CAPN1: variants seen among roughly 807,000 people sequenced by gnomAD.
CAPN1 encodes the protein calpain 1.
CAPN1 carries 77 observed loss-of-function variants against 105.2 expected under a neutral mutation model. The observed-to-expected ratio is 0.73, with a 90% CI of 0.61 to 0.88. The LOEUF (loss-of-function observed/expected upper bound fraction) is 0.88, where lower values mean the gene tolerates loss of function less well. CAPN1 is among the 40% of genes least tolerant of loss of function. CAPN1 has a pLI of 0.00. For missense variants in CAPN1, 833 were observed against 976.6 expected (o/e 0.85, Z 1.96); for synonymous variants, 355 against 388.8 (o/e 0.91, Z 1.02).
intron 21 of CAPN1, 76 bp from the exon 22 acceptor site, chr11:65,211,184 G>T: frequency 6.5e-7 from 1 of 1,541,012 alleles, no homozygotes; most frequent in Admixed American, 1.7e-5. Flanking sequence ...GTTGGGGGCT[G>T]GACCTGGGGT....
At chr11:65,187,420 C>A in intron 7 of CAPN1, 122 bp downstream of exon 7, 1 of 673,770 alleles carries the variant, frequency 1.5e-6, no homozygotes, top group Admixed American at 2.4e-5. Context: ...TCCTGCAGCA[C>A]CTTATCTCTC....
rs868774831 is a variant in CAPN1, at chr11:65,183,341, C to T, written c.338-133C>T. ...GCGCTGGGGCTGGTTTGCCCAGATT[C>T]CTGGGTCTTTTCTGCAAGCTGAGGG... On this transcript the variant is annotated intron_variant, in intron 3 of 21. Transcript: ENST00000279247. 17 of 1,117,564 alleles carry T rather than the reference C, an allele frequency of 1.5e-5. No homozygotes were observed. The Middle Eastern group carries it at 8.9e-4, about 58-fold the overall frequency. 69.2% of individuals were successfully genotyped at this position (1,117,564 alleles called of 1,614,324 possible).
In CAPN1 at chr11:65,210,053, C is replaced by T. The variant is rs1332280261; in HGVS notation, c.1899C>T (p.Gly633=). The change falls in exon 19 of 22, where the codon GGC becomes GGT. Residue 633 remains glycine (G), a synonymous_variant. Transcript: ENST00000279247. This position sits in a 1 kb window ranked among gnomAD's most constrained non-coding sequence, Gnocchi z 4.3. ...IFRKFDLDKS[G]SMSAYEMRMA... is the part of the protein sequence containing the mutation. ...GGAAGTTTGACCTGGACAAGTCGGGCAGCATGAGTGCCTACGAGATGCGGA... is the reference window on the plus strand; with the variant it reads ...GGAAGTTTGACCTGGACAAGTCGGGTAGCATGAGTGCCTACGAGATGCGGA... The T allele has an allele frequency of 5.0e-6, 8 of 1,613,006 alleles. No homozygotes were observed. The highest frequency in any genetic ancestry group is 5.9e-6 in the Non-Finnish European group (7 of 1,179,830).
At chr11:65,211,147 T>G (rs17880481) in intron 21 of CAPN1, 113 bp from the exon 22 acceptor site, 1 of 1,209,840 alleles carries the variant, frequency 8.3e-7, no homozygotes, top group Admixed American at 1.9e-5. Context: ...CTCCATGAGG[T>G]TCCTGAGGTG....
chr11:65,188,269 C>T lies in CAPN1; in HGVS notation c.930-145C>T, dbSNP rs1245619285. 14 of 753,702 alleles carry T rather than the reference C, an allele frequency of 1.9e-5. No individual in the cohort carries two copies. Among genetic ancestry groups the T allele is most frequent in the Non-Finnish European group, 3.0e-5 (14 of 461,760 alleles). 46.7% of individuals were successfully genotyped at this position (753,702 alleles called of 1,614,324 possible). On this transcript the variant is annotated intron_variant, in intron 8 of 21. Transcript: ENST00000279247. This position sits in a 1 kb window ranked among gnomAD's most constrained non-coding sequence, Gnocchi z 5.5. ...TCAGACTGGCCCTGATGAGACCACC[C>T]CCTAGAAGCGGAACCTTGGCGCTTG...
rs777149581 is a variant in CAPN1 at position 65,182,961 on chromosome 11, G to A, written c.260G>A (p.Arg87His). 16 of 1,613,272 alleles carry A rather than the reference G, an allele frequency of 9.9e-6. No individual in the cohort carries two copies. In the East Asian group the frequency reaches 2.0e-4, roughly 20 times the overall value. Reference protein sequence around the residue: ...SSKTYGIKWKRPTELLSNPQF... With the variant: ...SSKTYGIKWKHPTELLSNPQF... ...AAGACCTATGGCATCAAGTGGAAGC[G>A]TCCCACGGTGAGAGGGGCCATCCTG... is the stretch of plus-strand genomic sequence containing the variant. The change falls in exon 2 of 22, where the codon CGT (arginine) becomes CAT (histidine). Residue 87 changes from arginine to histidine, a missense_variant. By Grantham distance (29) the Arg-to-His change is conservative. Coordinates refer to ENST00000279247, the MANE Select transcript of CAPN1 (RefSeq NM_005186.4).
At position 65,206,385 on chromosome 11, in the gene CAPN1, G is replaced by A. The variant is rs1485850015; in HGVS notation, c.1354-78G>A. ...CCCCTTGGCCAGGACAAGGAGCCTG[G>A]AGTCTGGGTCTGGGGGTGGCCCCTG... On this transcript the variant is annotated intron_variant, in intron 12 of 21. Coordinates refer to ENST00000279247, the MANE Select transcript of CAPN1 (RefSeq NM_005186.4). The A allele has an allele frequency of 2.7e-6, 3 of 1,114,142 alleles. No individual in the cohort carries two copies. The Admixed American group carries it at 5.2e-5, about 19-fold the overall frequency. 69.0% of individuals were successfully genotyped at this position (1,114,142 alleles called of 1,614,324 possible).
chr11:65,183,388 A>G, intron 3 of CAPN1, 86 bp from the exon 4 acceptor site: 1 of 1,214,966 alleles, frequency 8.2e-7, no homozygotes, highest in Non-Finnish European at 1.2e-6. Flanking sequence ...CACCCTGGCC[A>G]AGGAACCCCA....
chr11:65,182,604 T>C (rs1948555745), intron 1 of CAPN1, 97 bp from the exon 2 acceptor site: 19 of 1,324,840 alleles, frequency 1.4e-5, no homozygotes, highest in Non-Finnish European at 1.8e-5. Flanking sequence ...GGTTTGGGGA[T>C]GGATAAGCAG....
chr11:65,208,015 C>A lies in CAPN1; in HGVS notation c.1606-40C>A. 6.5e-7 allele frequency: 1 copy of A among 1,527,158 alleles called. No individual in the cohort carries two copies. Among genetic ancestry groups the A allele is most frequent in the Non-Finnish European group, 8.9e-7 (1 of 1,124,592 alleles). 94.6% of individuals were successfully genotyped at this position (1,527,158 alleles called of 1,614,324 possible). On this transcript the variant is annotated intron_variant, in intron 14 of 21. Transcript: ENST00000279247. This position sits in a 1 kb window ranked among gnomAD's most constrained non-coding sequence, Gnocchi z 4.1. Reference sequence around the variant, plus strand: ...CCAGCTGCCTCCACACGGGCAGGGCCGGGGCCTCTCTTACCTGCTTTCTCC... The same window carrying A: ...CCAGCTGCCTCCACACGGGCAGGGCAGGGGCCTCTCTTACCTGCTTTCTCC...
At chr11:65,187,494 G>A in intron 7 of CAPN1, 196 bp downstream of exon 7, 1 of 594,850 alleles carries the variant, frequency 1.7e-6, no homozygotes, top group Admixed American at 3.0e-5. Flanking sequence ...GTTCATGTGT[G>A]CAGCTGCCTG....
intron 6 of CAPN1, 47 bp downstream of exon 6, chr11:65,186,385 T>C: frequency 6.6e-7 from 1 of 1,522,798 alleles, no homozygotes; most frequent in South Asian, 1.2e-5. Flanking sequence ...AACCCTGGTA[T>C]CCTGACCTGT....
chr11:65,191,966 G>A (rs921830728), intron 10 of CAPN1, among the ~76,000 whole-genome samples: 2 of 152,072 alleles, frequency 1.3e-5, no homozygotes, highest in African/African-American at 2.4e-5. Context: ...TAAATACTTT[G>A]AATTGTCTAT....
chr11:65,181,450 G>A, upstream of CAPN1: 1 of 228,672 alleles, frequency 4.4e-6, no homozygotes, highest in Non-Finnish European at 8.9e-6. This position sits in a 1 kb window ranked among gnomAD's most constrained non-coding sequence, Gnocchi z 4.6. Context: ...GGGAACGGCG[G>A]GAGCAGCTGC....
chr11:65,198,833 T>C (rs1948827647), intron 10 of CAPN1, among the ~76,000 whole-genome samples: 1 of 152,142 alleles, frequency 6.6e-6, no homozygotes, highest in Non-Finnish European at 1.5e-5. Context: ...ATAATTTTTT[T>C]TGGGAGGGTT....
intron 10 of CAPN1, among the ~76,000 whole-genome samples, chr11:65,202,134 T>C (rs1234150662): frequency 6.6e-6 from 1 of 152,056 alleles, no homozygotes; most frequent in Non-Finnish European, 1.5e-5. Flanking sequence ...CTAATTTTCT[T>C]TCATACTTCA....
In CAPN1 at chr11:65,185,932, G is replaced by C; in HGVS notation, c.472G>C (p.Glu158Gln). The change falls in exon 5 of 22, where the codon GAG (glutamate) becomes CAG (glutamine). Residue 158 changes from glutamate to glutamine, a missense_variant. Transcript: ENST00000279247. ...IFHFQLWQFG[E>Q]WVDVVVDDLL... ...TCCCCCACAGCTGTGGCAATTTGGGGAGTGGGTGGACGTGGTCGTGGATGA... is the reference window on the plus strand; with the variant it reads ...TCCCCCACAGCTGTGGCAATTTGGGCAGTGGGTGGACGTGGTCGTGGATGA... 6.3e-7 allele frequency: 1 copy of C among 1,585,708 alleles called. No homozygotes were observed. The highest frequency in any genetic ancestry group is 8.6e-7 in the Non-Finnish European group (1 of 1,165,910).
intron 10 of CAPN1, among the ~76,000 whole-genome samples, chr11:65,201,622 A>G (rs1171123365): frequency 6.6e-6 from 1 of 151,542 alleles, no homozygotes; most frequent in East Asian, 1.9e-4. Context: ...GGTTCATGCC[A>G]TTCTCCTGCC....
In CAPN1 at chr11:65,210,352, G is replaced by A; in HGVS notation, c.1959G>A (p.Lys653=). 2.5e-6 allele frequency: 4 copies of A among 1,612,444 alleles called. No homozygotes were observed. The highest frequency in any genetic ancestry group is 2.5e-6 in the Non-Finnish European group (3 of 1,179,024). ...CTGGACCAGGCTTCAAGCTCAACAA[G>A]AAGCTGTACGAGCTCATCATCACCC... The part of the protein sequence containing the change: ...AIESAGFKLN[K]KLYELIITRY... Residue 653 remains lysine, a synonymous_variant, in exon 20 of 22, where the codon AAG becomes AAA. Transcript: ENST00000279247. This position sits in a 1 kb window ranked among gnomAD's most constrained non-coding sequence, Gnocchi z 4.3.
Sources: gnomAD v4.1 joint callset for allele counts (sites outside exome capture counted in the v4.1 genomes callset) on GRCh38, gnomAD v4.1.1 for gene constraint, Gnocchi (gnomAD v3.1) non-coding constraint, MANE v1.5 for transcripts, NCBI Gene and HGNC (gene_info 2026-07-23, HGNC 2026-07-21) for gene names.